The following SCAF1 variants were observed in gnomAD, a reference collection of about 807,000 sequenced individuals.
SCAF1 encodes the protein SR-related CTD associated factor 1.
SCAF1 carries 28 observed loss-of-function variants against 91.2 expected under a neutral mutation model. That is an observed-to-expected ratio of 0.31 (90% CI 0.23 to 0.42). The LOEUF (loss-of-function observed/expected upper bound fraction) is 0.42. Ranked by LOEUF, SCAF1 falls within the 10% of genes least tolerant of loss-of-function variation. The pLI is 1.00. For missense variants in SCAF1, 1,893 were observed against 1,872.1 expected (o/e 1.01, Z -0.21); for synonymous variants, 1,036 against 833.7 (o/e 1.24, Z -4.18).
chr19:49,646,406 C>A lies in SCAF1; in HGVS notation c.262-120C>A. 1.0e-6 allele frequency: 1 copy of A among 958,502 alleles called. No individual in the cohort carries two copies. The highest frequency in any genetic ancestry group is 1.6e-6 in the Non-Finnish European group (1 of 613,906). 59.4% of individuals were successfully genotyped at this position (958,502 alleles called of 1,614,324 possible). ...GGCAGTCAGGCTATAGGAATTAGATCCTCAGTTTTCTTGGGGATCTTAGAT... is the reference window on the plus strand; with the variant it reads ...GGCAGTCAGGCTATAGGAATTAGATACTCAGTTTTCTTGGGGATCTTAGAT... On this transcript the variant is annotated intron_variant, in intron 4 of 10. Coordinates refer to ENST00000360565, the MANE Select transcript of SCAF1 (RefSeq NM_021228.3). The surrounding 1 kb of genome is among the most constrained non-coding windows in gnomAD (Gnocchi z 5.6).
chr19:49,653,765 G>T, intron 7 of SCAF1, 60 bp downstream of exon 7: 1 of 1,421,440 alleles, frequency 7.0e-7, no homozygotes, highest in South Asian at 1.4e-5. Flanking sequence ...GGGACTGGAG[G>T]GTACAGACTT....
At chr19:49,657,971 G>T in intron 10 of SCAF1, 82 bp downstream of exon 10, 3 of 1,520,984 alleles carry the variant, frequency 2.0e-6, no homozygotes, top group East Asian at 2.4e-5. Context: ...AGATGGACGC[G>T]GATGGGAGAC....
In SCAF1 at chr19:49,651,885, C is replaced by T. The variant is rs975498447; in HGVS notation, c.1496C>T (p.Pro499Leu). 1.1e-5 allele frequency: 13 copies of T among 1,199,880 alleles called. No homozygotes were observed. The highest frequency in any genetic ancestry group is 1.3e-5 in the Non-Finnish European group (13 of 963,788). 74.3% of individuals were successfully genotyped at this position (1,199,880 alleles called of 1,614,324 possible). The change falls in exon 7 of 11, where the codon CCC becomes CTC. Residue 499 changes from proline to leucine, a missense_variant. By Grantham distance (98) the Pro-to-Leu change is moderately conservative. Coordinates refer to ENST00000360565, the MANE Select transcript of SCAF1 (RefSeq NM_021228.3). Reference protein sequence around the residue: ...QRRERYRQRSPSPAPAPAPAA... With the variant: ...QRRERYRQRSLSPAPAPAPAA... ...CGGGAGCGCTACCGCCAGCGCTCGC[C>T]CTCCCCGGCGCCCGCGCCCGCCCCG...
At position 49,653,336 on chromosome 19, in the gene SCAF1, C is replaced by T. The variant is rs1377680770; in HGVS notation, c.2947C>T (p.Pro983Ser). Residue 983 changes from proline (P) to serine (S), a missense_variant, in exon 7 of 11, where the codon CCA (proline) becomes TCA (serine). Pro to Ser is a moderately conservative substitution (Grantham distance 74). Transcript: ENST00000360565. ...VPSTPPPKAAPPPPALTPDSQ... is the reference protein window; with the variant it reads ...VPSTPPPKAASPPPALTPDSQ... ...TAGCACCCCGCCCCCCAAGGCAGCC[C>T]CACCACCCCCTGCCCTCACTCCGGA... 6.8e-7 allele frequency: 1 copy of T among 1,471,408 alleles called. No individual in the cohort carries two copies. The highest frequency in any genetic ancestry group is 9.0e-7 in the Non-Finnish European group (1 of 1,109,644). The allele number at this position is 1,471,408 out of a possible 1,614,324, so 91.1% of individuals were successfully genotyped here. A position where few individuals can be genotyped will look rare whatever the true frequency, so the allele number is the denominator to read the frequency against.
chr19:49,651,824 G>T lies in SCAF1; in HGVS notation c.1435G>T (p.Gly479Cys). 8.0e-7 allele frequency: 1 copy of T among 1,249,850 alleles called. No homozygotes were observed. Among genetic ancestry groups the T allele is most frequent in the South Asian group, 2.2e-5 (1 of 44,738 alleles). 77.4% of individuals were successfully genotyped at this position (1,249,850 alleles called of 1,614,324 possible). A position where few individuals can be genotyped will look rare whatever the true frequency, so the allele number is the denominator to read the frequency against. ...APPAADSRWGGLDLRRKILTQ... is the reference protein window; with the variant it reads ...APPAADSRWGCLDLRRKILTQ... ...GCCCGCCGCCGACTCGCGCTGGGGC[G>T]GCCTGGACCTGCGCCGCAAGATCCT... Residue 479 changes from glycine (G) to cysteine (C), a missense_variant, in exon 7 of 11, where the codon GGC becomes TGC. By Grantham distance (159) the Gly-to-Cys change is radical. This residue lies in a region of SCAF1 where 1,436 missense variants were observed against 1,306.8 expected (regional missense o/e 1.10). Transcript: ENST00000360565.
Position 49,652,547 on chromosome 19 carries a change from C to A in SCAF1, c.2158C>A (p.Pro720Thr). 6.4e-7 allele frequency: 1 copy of A among 1,565,286 alleles called. No homozygotes were observed. Among genetic ancestry groups the A allele is most frequent in the South Asian group, 1.2e-5 (1 of 85,404 alleles). The stretch of plus-strand genomic sequence containing the variant: ...CAAGTCCGACCCCCGAGGACCCTCT[C>A]CTGCTCCGGCCTCCTCACCTAAGCG... The part of the protein sequence containing the change: ...LDKSDPRGPS[P>T]APASSPKREV... The change falls in exon 7 of 11, where the codon CCT (proline) becomes ACT (threonine). Residue 720 changes from proline to threonine, a missense_variant. Pro to Thr is a conservative substitution (Grantham distance 38). Transcript: ENST00000360565.
chr19:49,646,312 G>A lies in SCAF1; in HGVS notation c.261+110G>A. ...TGGGGACCTGGACTCCTGGCTCTGC[G>A]ATGCTGACCAGGGGCAATGTTGGAG... is the stretch of plus-strand genomic sequence containing the variant. On this transcript the variant is annotated intron_variant, in intron 4 of 10. Coordinates refer to ENST00000360565, the MANE Select transcript of SCAF1 (RefSeq NM_021228.3). This position sits in a 1 kb window ranked among gnomAD's most constrained non-coding sequence, Gnocchi z 5.6. 4.0e-6 allele frequency: 4 copies of A among 1,005,472 alleles called. No individual in the cohort carries two copies. Among genetic ancestry groups the A allele is most frequent in the Non-Finnish European group, 5.8e-6 (4 of 689,978 alleles). The allele number at this position is 1,005,472 out of a possible 1,614,324, so 62.3% of individuals were successfully genotyped here.
chr19:49,652,866 G>A lies in SCAF1; in HGVS notation c.2477G>A (p.Cys826Tyr). ...GSGSSSSSSS[C>Y]SSRKVKLQSK... ...GGCTCTTCATCCTCGTCGTCCTCCT[G>A]TTCTTCCCGGAAGGTGAAGCTGCAG... The change falls in exon 7 of 11, where the codon TGT becomes TAT. Residue 826 changes from cysteine to tyrosine, a missense_variant. Cys to Tyr is a radical substitution (Grantham distance 194). Coordinates refer to ENST00000360565, the MANE Select transcript of SCAF1 (RefSeq NM_021228.3). The A allele has an allele frequency of 6.2e-7, 1 of 1,614,022 alleles. No homozygotes were observed. The highest frequency in any genetic ancestry group is 1.1e-5 in the South Asian group (1 of 91,072).
At chr19:49,643,678 G>A (rs1386534456) in intron 1 of SCAF1, among the ~76,000 whole-genome samples, 3 of 152,242 alleles carry the variant, frequency 2.0e-5, no homozygotes, top group African/African-American at 7.2e-5. Flanking sequence ...TGTTGATTAA[G>A]CTTCTGATAT....
At position 49,644,785 on chromosome 19, in the gene SCAF1, A is replaced by C. The variant is rs1046373910; in HGVS notation, c.-6-236A>C. 8.0e-6 allele frequency: 3 copies of C among 374,620 alleles called. No individual in the cohort carries two copies. In the East Asian group the frequency reaches 1.4e-4, roughly 17 times the overall value. 23.2% of individuals were successfully genotyped at this position (374,620 alleles called of 1,614,324 possible). On this transcript the variant is annotated intron_variant, in intron 1 of 10. Coordinates refer to ENST00000360565, the MANE Select transcript of SCAF1 (RefSeq NM_021228.3). ...CAGGGAGGCCTCCCTTTGACATAAG[A>C]GGCACCTGAGACCCAGAAAAAAGGA...
chr19:49,641,282 G>A (rs528704807), upstream of SCAF1, among the ~76,000 whole-genome samples: 123 of 152,286 alleles, frequency 8.1e-4, no homozygotes, highest in Non-Finnish European at 1.4e-3. Flanking sequence ...GAACGAGGCG[G>A]CTATGGGGTC....
In SCAF1 at chr19:49,652,805, G is replaced by T; in HGVS notation, c.2416G>T (p.Gly806Trp). ...RPPKESAPSS[G>W]PPPKPPVSSG... ...CCCCAAGGAGTCGGCGCCTTCCTCA[G>T]GGCCCCCGCCAAAGCCACCAGTCAG... is the stretch of plus-strand genomic sequence containing the variant. Residue 806 changes from glycine to tryptophan, a missense_variant, in exon 7 of 11, where the codon GGG (glycine) becomes TGG (tryptophan). Physicochemically the swap from Gly to Trp is radical, Grantham distance 184. Coordinates refer to ENST00000360565, the MANE Select transcript of SCAF1 (RefSeq NM_021228.3). 6.2e-7 allele frequency: 1 copy of T among 1,613,828 alleles called. No homozygotes were observed. Among genetic ancestry groups the T allele is most frequent in the Non-Finnish European group, 8.5e-7 (1 of 1,179,960 alleles).
intron 9 of SCAF1, among the ~76,000 whole-genome samples, chr19:49,656,681 G>T (rs746643830): frequency 6.0e-4 from 92 of 152,166 alleles, no homozygotes; most frequent in Non-Finnish European, 7.8e-4. Flanking sequence ...GAAGAGCCTT[G>T]CCTCGGAGGC....
At chr19:49,647,875 C>T (rs572949659) in intron 6 of SCAF1, among the ~76,000 whole-genome samples, 7 of 152,172 alleles carry the variant, frequency 4.6e-5, no homozygotes, top group Admixed American at 1.3e-4. Flanking sequence ...TCAAGTGATC[C>T]GCCCGCCTCA....
chr19:49,653,663 C>T lies in SCAF1; in HGVS notation c.3274C>T (p.Leu1092=), dbSNP rs774912060. The change falls in exon 7 of 11, where the codon CTG becomes TTG. Residue 1092 remains leucine, a synonymous_variant. Transcript: ENST00000360565. The part of the protein sequence containing the change: ...PTLPPPMPWN[L]PAGVDCTTSG... The stretch of plus-strand genomic sequence containing the variant: ...GTTGCCCCCGCCCATGCCCTGGAAT[C>T]TGCCAGCTGGTGTGGACTGCACCAC... The T allele has an allele frequency of 1.3e-6, 2 of 1,588,858 alleles. No homozygotes were observed. The highest frequency in any genetic ancestry group is 8.5e-7 in the Non-Finnish European group (1 of 1,172,686).
chr19:49,650,942 G>A lies in SCAF1; in HGVS notation c.553G>A (p.Ala185Thr), dbSNP rs747141714. The A allele has an allele frequency of 3.6e-5, 57 of 1,583,742 alleles. No individual in the cohort carries two copies. In the Middle Eastern group the frequency reaches 1.5e-3, roughly 42 times the overall value. The change falls in exon 7 of 11, where the codon GCC (alanine) becomes ACC (threonine). Residue 185 changes from alanine to threonine, a missense_variant. Transcript: ENST00000360565. ...CTTGGGCACGGGAGACGGGGGCCCT[G>A]CCCCACCCCCTGCCCCCTCCTCTGC... ...LTLGTGDGGPAPPPAPSSASS... is the reference protein window; with the variant it reads ...LTLGTGDGGPTPPPAPSSASS...
chr19:49,645,017 C>T lies in SCAF1; in HGVS notation c.-6-4C>T. The T allele has an allele frequency of 6.2e-7, 1 of 1,611,374 alleles. No individual in the cohort carries two copies. Among genetic ancestry groups the T allele is most frequent in the South Asian group, 1.1e-5 (1 of 90,966 alleles). On this transcript the variant is annotated splice_region_variant and splice_polypyrimidine_tract_variant and intron_variant, in intron 1 of 10. Coordinates refer to ENST00000360565, the MANE Select transcript of SCAF1 (RefSeq NM_021228.3). The surrounding 1 kb of genome is among the most constrained non-coding windows in gnomAD (Gnocchi z 4.6). ...ACTCCAAACTCTCCCCCCTGGACCC[C>T]CAGGTGACCATGGAGGAAGAAGATG...
Position 49,652,033 on chromosome 19 carries a change from GC to G in SCAF1, c.1647del (p.Trp550GlyfsTer188). ...TQPAPPAPAS[P>X]WDSKKHRSRD... Reference sequence around the variant, plus strand: ...AGCCAGCGCCGCCCGCCCCGGCCTCGCCCTGGGACTCCAAGAAGCACCGCTC... The same window carrying G: ...AGCCAGCGCCGCCCGCCCCGGCCTCGCCTGGGACTCCAAGAAGCACCGCTC... On this transcript the variant is annotated frameshift_variant, in exon 7 of 11. Coordinates refer to ENST00000360565, the MANE Select transcript of SCAF1 (RefSeq NM_021228.3). LOFTEE classifies it high-confidence loss of function. 1 of 1,226,566 alleles carries G rather than the reference GC, an allele frequency of 8.2e-7. No individual in the cohort carries two copies. The highest frequency in any genetic ancestry group is 1.6e-5 in the South Asian group (1 of 61,452). The allele number at this position is 1,226,566 out of a possible 1,614,324, so 76.0% of individuals were successfully genotyped here.
chr19:49,652,741 AGATAGG>A lies in SCAF1; in HGVS notation c.2355_2360del (p.Asp789_Arg790del), dbSNP rs1334746779. On this transcript the variant is annotated inframe_deletion, in exon 7 of 11. Coordinates refer to ENST00000360565, the MANE Select transcript of SCAF1 (RefSeq NM_021228.3). ...GTGACCGGGATCGGGACAGGGACAG[AGATAGG>A]GACAGGGACAGGTCATCCAAGAAGG... The A allele has an allele frequency of 5.0e-6, 8 of 1,607,420 alleles. No individual in the cohort carries two copies. Among genetic ancestry groups the A allele is most frequent in the African/African-American group, 1.3e-5 (1 of 74,690 alleles).
Sources: allele counts gnomAD v4.1 joint callset (sites outside exome capture counted in the v4.1 genomes callset), GRCh38; gene constraint gnomAD v4.1.1; regional missense constraint gnomAD v4.1.1; non-coding constraint Gnocchi (gnomAD v3.1); transcripts MANE v1.5; gene names NCBI Gene and HGNC (gene_info 2026-07-23, HGNC 2026-07-21).